Variants in CTNNA2 observed in about 807,000 individuals in gnomAD.
CTNNA2 encodes the protein catenin alpha-2.
Under a neutral mutation model 101.0 loss-of-function variants are expected in CTNNA2, and 42 were observed. The ratio of observed to expected loss-of-function variants is 0.42; its 90% CI spans 0.32 to 0.54. The LOEUF (loss-of-function observed/expected upper bound fraction) is 0.54. CTNNA2 is among the 20% of genes least tolerant of loss of function. CTNNA2 has a pLI of 0.14. For synonymous variants in CTNNA2, 450 were observed against 456.4 expected (o/e 0.99, Z 0.18); for missense variants, 871 against 1,223.1 (o/e 0.71, Z 4.29).
At chr2:80,574,697 C>T (rs1558604139) in intron 13 of CTNNA2, among the ~76,000 whole-genome samples, 2 of 152,142 alleles carry the variant, frequency 1.3e-5, no homozygotes, top group Non-Finnish European at 2.9e-5. Context: ...TATAATAACA[C>T]ATAATAGTAA....
intron 3 of CTNNA2, among the ~76,000 whole-genome samples, chr2:79,827,642 T>C (rs1319850592): frequency 6.6e-6 from 1 of 152,194 alleles, no homozygotes; most frequent in East Asian, 1.9e-4. Flanking sequence ...TAGAGACTTC[T>C]ACTGTAAATA....
rs181694002 is a variant in CTNNA2, at chr2:80,157,540, T to C, written c.1057-235671T>C. On this transcript the variant is annotated intron_variant, in intron 7 of 18. Transcript: ENST00000402739. ...TCAGTTGAGTGAAGATTCGTGACCA[T>C]TTTTTTGTTTATCAAAACCGTATCA... Among the ~76,000 whole-genome samples the C allele has an allele frequency of 1.6e-3, 243 of 152,252 alleles. 2 individuals are homozygous for C. The highest frequency in any genetic ancestry group is 5.7e-3 in the African/African-American group (235 of 41,560).
intron 2 of CTNNA2, among the ~76,000 whole-genome samples, chr2:79,256,382 C>T (rs1457211673): frequency 1.3e-5 from 2 of 152,208 alleles, no homozygotes; most frequent in Admixed American, 1.3e-4. Flanking sequence ...AGCTCAGGGG[C>T]TGTCCATCAT....
intron 7 of CTNNA2, among the ~76,000 whole-genome samples, chr2:80,131,656 C>T (rs1380568869): frequency 3.3e-5 from 5 of 152,154 alleles, no homozygotes. Context: ...TTCCATGGCT[C>T]TGATTTTTTT....
intron 7 of CTNNA2, among the ~76,000 whole-genome samples, chr2:79,981,026 T>C (rs761219803): frequency 6.6e-6 from 1 of 152,264 alleles, no homozygotes; most frequent in Non-Finnish European, 1.5e-5. Context: ...TTGTGGTTGA[T>C]GCGGCTCATT....
intron 12 of CTNNA2, among the ~76,000 whole-genome samples, chr2:80,567,179 C>T (rs1478989046): frequency 6.6e-6 from 1 of 152,082 alleles, no homozygotes; most frequent in East Asian, 1.9e-4. Flanking sequence ...TTAAAGTCCC[C>T]CGTGTAGGGG....
At chr2:80,245,148 A>G (rs1671226343) in intron 7 of CTNNA2, among the ~76,000 whole-genome samples, 1 of 152,230 alleles carries the variant, frequency 6.6e-6, no homozygotes, top group African/African-American at 2.4e-5. Flanking sequence ...AGCTGAGCTG[A>G]AAATGTGTAT....
intron 1 of CTNNA2, among the ~76,000 whole-genome samples, chr2:79,563,013 T>C (rs1674876390): frequency 6.6e-6 from 1 of 152,012 alleles, no homozygotes; most frequent in African/African-American, 2.4e-5. Context: ...ATATATGCAC[T>C]GTCTAACCAA....
At chr2:79,955,700 A>G (rs902102894) in intron 7 of CTNNA2, among the ~76,000 whole-genome samples, 6 of 152,100 alleles carry the variant, frequency 3.9e-5, no homozygotes, top group African/African-American at 1.4e-4. Context: ...TTTTTTGTAG[A>G]GACAGAAGTC....
intron 1 of CTNNA2, among the ~76,000 whole-genome samples, chr2:79,636,225 G>C (rs186490083): frequency 7.3e-6 from 1 of 137,216 alleles, no homozygotes; most frequent in East Asian, 2.2e-4. Flanking sequence ...AGCCGAGATC[G>C]CGCCACTGCA....
intron 1 of CTNNA2, chr2:79,195,986 G>C (rs1019143774): frequency 2.5e-6 from 1 of 398,192 alleles, no homozygotes; most frequent in African/African-American, 2.1e-5. Context: ...ACCCAGGCTG[G>C]AGTGCAGTGA....
intron 4 of CTNNA2, among the ~76,000 whole-genome samples, chr2:79,459,512 T>A (rs1319746646): frequency 6.6e-6 from 1 of 152,130 alleles, no homozygotes; most frequent in East Asian, 1.9e-4. Flanking sequence ...GGATAAAGAA[T>A]ATATAATTTT....
chr2:79,693,101 A>T (rs994224548), intron 2 of CTNNA2, among the ~76,000 whole-genome samples: 1 of 152,048 alleles, frequency 6.6e-6, no homozygotes, highest in Non-Finnish European at 1.5e-5. Flanking sequence ...AAGATGCAGA[A>T]AATTTAGACA....
chr2:80,327,551 G>T (rs2149256834), intron 7 of CTNNA2, among the ~76,000 whole-genome samples: 1 of 152,248 alleles, frequency 6.6e-6, no homozygotes, highest in South Asian at 2.1e-4. Context: ...AGCAAAGTTG[G>T]CTTTAGTGAG....
intron 9 of CTNNA2, among the ~76,000 whole-genome samples, chr2:80,448,424 A>G (rs188058269): frequency 8.2e-4 from 125 of 152,352 alleles, no homozygotes; most frequent in Non-Finnish European, 1.5e-3. Flanking sequence ...TTGAAAAGTC[A>G]GTAGGATTTA....
chr2:79,191,851 T>A (rs1017923893), intron 1 of CTNNA2, among the ~76,000 whole-genome samples: 3 of 152,150 alleles, frequency 2.0e-5, no homozygotes, highest in African/African-American at 7.2e-5. Context: ...GGTACAGACT[T>A]AACATCAAAA....
At chr2:80,409,301 A>T (rs1319064569) in intron 8 of CTNNA2, among the ~76,000 whole-genome samples, 6 of 152,112 alleles carry the variant, frequency 3.9e-5, no homozygotes, top group Non-Finnish European at 8.8e-5. Context: ...TAAGTAATAA[A>T]AAAAAAAAGT....
At chr2:79,329,750 A>G (rs1267814260) in intron 3 of CTNNA2, among the ~76,000 whole-genome samples, 1 of 152,180 alleles carries the variant, frequency 6.6e-6, no homozygotes, top group Non-Finnish European at 1.5e-5. Flanking sequence ...CTTCAGCTAA[A>G]GTGTCTTATT....
intron 5 of CTNNA2, among the ~76,000 whole-genome samples, chr2:79,505,691 G>A (rs1377263559): frequency 1.3e-5 from 2 of 152,204 alleles, no homozygotes; most frequent in East Asian, 1.9e-4. Context: ...TCAGGCTAAA[G>A]CATGTGGGCT....
Sources: allele counts gnomAD v4.1 joint callset (sites outside exome capture counted in the v4.1 genomes callset), GRCh38; gene constraint gnomAD v4.1.1; transcripts MANE v1.5; gene names NCBI Gene and HGNC (gene_info 2026-07-23, HGNC 2026-07-21).